The following DENND1A variants were observed in gnomAD, a reference collection of about 807,000 sequenced individuals.
DENND1A encodes DENN domain-containing protein 1A.
DENND1A carries 51 observed loss-of-function variants against 113.7 expected under a neutral mutation model. The ratio of observed to expected loss-of-function variants is 0.45; its 90% confidence interval spans 0.36 to 0.57. The LOEUF (loss-of-function observed/expected upper bound fraction) is 0.57, where lower values mean the gene tolerates loss of function less well. Among genes scored for constraint, DENND1A ranks in the 20% least tolerant of loss-of-function variants. The pLI, the probability that DENND1A is intolerant of heterozygous loss-of-function variation, is 0.00. For missense variants in DENND1A, 1,258 were observed against 1,395.9 expected (o/e 0.90, Z 1.57); for synonymous variants, 565 against 570.8 (o/e 0.99, Z 0.14).
At chr9:123,637,933 G>GCACA (rs1185018176) in intron 9 of DENND1A, among the ~76,000 whole-genome samples, 1 of 73,980 alleles carries the variant, frequency 1.4e-5, no homozygotes, top group Non-Finnish European at 2.6e-5. Context: ...ACACACACAC[G>GCACA]CACACACACA....
chr9:123,530,185 G>C (rs79164194), intron 13 of DENND1A, among the ~76,000 whole-genome samples: 13 of 152,210 alleles, frequency 8.5e-5, no homozygotes, highest in African/African-American at 2.9e-4. Flanking sequence ...TAATGCCTGA[G>C]AATATTCTAG....
intron 5 of DENND1A, among the ~76,000 whole-genome samples, chr9:123,728,522 C>G (rs1230604437): frequency 2.8e-5 from 3 of 107,774 alleles, no homozygotes; most frequent in Non-Finnish European, 5.6e-5. Flanking sequence ...AGGCATCAGT[C>G]ATCTTTACCC....
intron 5 of DENND1A, among the ~76,000 whole-genome samples, chr9:123,686,934 T>A (rs1303419598): frequency 6.6e-6 from 1 of 152,204 alleles, no homozygotes; most frequent in Non-Finnish European, 1.5e-5. Flanking sequence ...TGCTTGAATG[T>A]TATATCATTC....
At chr9:123,836,917 C>T (rs1218917701) in intron 2 of DENND1A, among the ~76,000 whole-genome samples, 1 of 152,078 alleles carries the variant, frequency 6.6e-6, no homozygotes, top group Non-Finnish European at 1.5e-5. Context: ...TACAATACAA[C>T]TACATTTGTT....
At chr9:123,423,978 C>T (rs2045519149) in intron 19 of DENND1A, among the ~76,000 whole-genome samples, 1 of 152,162 alleles carries the variant, frequency 6.6e-6, no homozygotes, top group South Asian at 2.1e-4. Context: ...GGCTGAAGAG[C>T]TGGCAACCTG....
At chr9:123,903,677 G>A (rs1483371232) in intron 1 of DENND1A, among the ~76,000 whole-genome samples, 3 of 152,160 alleles carry the variant, frequency 2.0e-5, no homozygotes, top group Non-Finnish European at 1.5e-5. Context: ...CTTAAAAAAC[G>A]GCGCACCACG....
At chr9:123,928,843 C>T in intron 1 of DENND1A, 1 of 985,442 alleles carries the variant, frequency 1.0e-6, no homozygotes, top group Non-Finnish European at 1.2e-6. Context: ...ACACATTCCA[C>T]AAACTTTCTT....
intron 5 of DENND1A, among the ~76,000 whole-genome samples, chr9:123,723,165 T>C (rs1484571575): frequency 6.6e-6 from 1 of 152,246 alleles, no homozygotes; most frequent in Non-Finnish European, 1.5e-5. Context: ...ACTGCCCTGC[T>C]GGATTGTAGA....
intron 5 of DENND1A, among the ~76,000 whole-genome samples, chr9:123,715,436 T>C (rs2066909544): frequency 1.3e-5 from 2 of 152,168 alleles, no homozygotes; most frequent in African/African-American, 2.4e-5. Flanking sequence ...CACTGACTCA[T>C]ATAAAACTTC....
chr9:123,596,806 T>A (rs577683759), intron 11 of DENND1A, among the ~76,000 whole-genome samples: 3 of 152,316 alleles, frequency 2.0e-5, no homozygotes, highest in African/African-American at 7.2e-5. Flanking sequence ...ATGAAATAAC[T>A]GTGTTTGAAT....
chr9:123,383,963 G>A (rs1217447682), intron 22 of DENND1A, 50 bp from the exon 23 acceptor site: 2 of 1,571,148 alleles, frequency 1.3e-6, no homozygotes, highest in East Asian at 4.5e-5. Context: ...CTTCAGGGGA[G>A]GAGCAAGCGG....
At chr9:123,448,221 G>GGA (rs2047449471) in intron 18 of DENND1A, among the ~76,000 whole-genome samples, 1 of 152,168 alleles carries the variant, frequency 6.6e-6, no homozygotes, top group African/African-American at 2.4e-5. Flanking sequence ...GAACAGAAAG[G>GGA]GAGAGAGAGT....
chr9:123,523,970 G>A (rs1798207792), intron 13 of DENND1A, among the ~76,000 whole-genome samples: 2 of 152,182 alleles, frequency 1.3e-5, no homozygotes, highest in African/African-American at 4.8e-5. Flanking sequence ...AAGAGAGCAG[G>A]CCCTTTTGTG....
chr9:123,842,606 T>C (rs1407546219), intron 2 of DENND1A, among the ~76,000 whole-genome samples: 2 of 152,144 alleles, frequency 1.3e-5, no homozygotes, highest in Admixed American at 6.5e-5. Flanking sequence ...AATAGACCTA[T>C]AGCAAGAGAT....
chr9:123,485,636 GTACACACACGCGCGCGCGCGCACACACA>G (rs1360784410), intron 13 of DENND1A: 7,524 of 93,952 alleles, frequency 0.08, 634 homozygotes, highest in African/African-American at 0.24. Context: ...GTGTGTGCGC[GTACACACACGCGCGCGCGCGCACACACA>G]CACACACACA....
At chr9:123,634,883 T>C (rs758704076) in intron 9 of DENND1A, among the ~76,000 whole-genome samples, 13 of 152,222 alleles carry the variant, frequency 8.5e-5, no homozygotes, top group Admixed American at 6.5e-5. Flanking sequence ...ACACAGACTG[T>C]ACAGTAAACC....
chr9:123,516,847 C>A (rs532083214), intron 13 of DENND1A, among the ~76,000 whole-genome samples: 1 of 129,192 alleles, frequency 7.7e-6, no homozygotes, highest in South Asian at 2.5e-4. Context: ...TCACACACCA[C>A]TGCACTCCAG....
chr9:123,716,715 T>C (rs1256772749), intron 5 of DENND1A, among the ~76,000 whole-genome samples: 1 of 152,218 alleles, frequency 6.6e-6, no homozygotes, highest in African/African-American at 2.4e-5. Context: ...AGAACAAAAT[T>C]AATTGCCTTT....
chr9:123,648,059 AAACC>A (rs2062435053), intron 9 of DENND1A, among the ~76,000 whole-genome samples: 1 of 152,140 alleles, frequency 6.6e-6, no homozygotes, highest in African/African-American at 2.4e-5. Context: ...AATTTTTTGT[AAACC>A]TAGTGTTTCA....
Sources: allele counts gnomAD v4.1 joint callset (sites outside exome capture counted in the v4.1 genomes callset), GRCh38; gene constraint gnomAD v4.1.1; transcripts MANE v1.5; gene names NCBI Gene and HGNC (gene_info 2026-07-23, HGNC 2026-07-21).